Variants in FAM83B observed in about 807,000 individuals in gnomAD.
FAM83B encodes the protein protein FAM83B.
A neutral mutation model predicts 38.8 loss-of-function variants in FAM83B; 26 were observed. That is an observed-to-expected ratio of 0.67 (90% CI 0.49 to 0.93). The LOEUF (loss-of-function observed/expected upper bound fraction) is 0.93, where lower values mean the gene tolerates loss of function less well. Ranked by LOEUF, FAM83B falls within the 40% of genes least tolerant of loss-of-function variation. The pLI is 0.00. For missense variants in FAM83B, 1,237 were observed against 1,197.3 expected (o/e 1.03, Z -0.49); for synonymous variants, 419 against 423.1 (o/e 0.99, Z 0.12).
chr6:54,940,277 C>A lies in FAM83B; in HGVS notation c.1306C>A (p.His436Asn). The A allele has an allele frequency of 1.2e-6, 2 of 1,614,012 alleles. No homozygotes were observed. Among genetic ancestry groups the A allele is most frequent in the South Asian group, 2.2e-5 (2 of 91,082 alleles). Residue 436 changes from histidine (H) to asparagine (N), a missense_variant, in exon 5 of 5, where the codon CAC becomes AAC. Coordinates refer to ENST00000306858, the MANE Select transcript of FAM83B (RefSeq NM_001010872.3). The part of the protein sequence containing the change: ...ASSSREGYVS[H>N]HNTPAQSFAN... ...CTCATCACGGGAAGGCTATGTAAGC[C>A]ACCACAACACACCTGCCCAGAGTTT... is the stretch of plus-strand genomic sequence containing the variant.
chr6:54,892,910 A>G (rs1772439281), intron 2 of FAM83B, among the ~76,000 whole-genome samples: 1 of 152,020 alleles, frequency 6.6e-6, no homozygotes, highest in South Asian at 2.1e-4. Flanking sequence ...TGGGTTATAA[A>G]GGCATCATGA....
intron 2 of FAM83B, among the ~76,000 whole-genome samples, chr6:54,894,852 A>G (rs1394206743): frequency 6.6e-6 from 1 of 152,212 alleles, no homozygotes; most frequent in Non-Finnish European, 1.5e-5. Context: ...AGTGGTTGAG[A>G]GCATGAACTC....
intron 2 of FAM83B, among the ~76,000 whole-genome samples, chr6:54,925,754 G>A (rs899555836): frequency 4.0e-5 from 6 of 151,602 alleles, no homozygotes; most frequent in Admixed American, 6.6e-5. Context: ...TTCCATATAC[G>A]TGGGTTCTTC....
In FAM83B at chr6:54,902,626, T is replaced by C. The variant is rs142654169; in HGVS notation, c.445-23745T>C. On this transcript the variant is annotated intron_variant, in intron 2 of 4. Coordinates refer to ENST00000306858, the MANE Select transcript of FAM83B (RefSeq NM_001010872.3). ...ATTTTTCTACATTTTTCCATATTTT[T>C]ATGTTTGTCCTAAGATTAAGAGGAC... 1.1e-3 allele frequency among the ~76,000 whole-genome samples: 166 copies of C among 149,938 alleles called. 4 individuals carry two copies. Among genetic ancestry groups the C allele is most frequent in the African/African-American group, 4.1e-3 (161 of 39,338 alleles).
At chr6:54,932,640 A>G (rs1182810766) in intron 4 of FAM83B, among the ~76,000 whole-genome samples, 1 of 150,290 alleles carries the variant, frequency 6.7e-6, no homozygotes, top group Non-Finnish European at 1.5e-5. Context: ...TCACTTTAGC[A>G]TTTTGTGTAG....
At chr6:54,882,048 A>C (rs1266993805) in intron 2 of FAM83B, among the ~76,000 whole-genome samples, 3 of 152,074 alleles carry the variant, frequency 2.0e-5, no homozygotes, top group Non-Finnish European at 4.4e-5. Flanking sequence ...TTTGCTGAGA[A>C]TGATGGTTTC....
chr6:54,907,196 G>T (rs1772793563), intron 2 of FAM83B, among the ~76,000 whole-genome samples: 1 of 151,970 alleles, frequency 6.6e-6, no homozygotes, highest in South Asian at 2.1e-4. Flanking sequence ...TGTTTCTTTA[G>T]GATAGAAAAG....
intron 1 of FAM83B, among the ~76,000 whole-genome samples, chr6:54,861,049 G>T (rs1018711735): frequency 2.0e-5 from 3 of 152,146 alleles, no homozygotes; most frequent in African/African-American, 7.2e-5. Context: ...TGGGATTATA[G>T]GTGTGAGCCA....
At chr6:54,925,180 G>C (rs952576304) in intron 2 of FAM83B, among the ~76,000 whole-genome samples, 1 of 152,012 alleles carries the variant, frequency 6.6e-6, no homozygotes, top group African/African-American at 2.4e-5. Context: ...TCTATTCAAA[G>C]GACACTGTCT....
chr6:54,908,917 A>G (rs1772841299), intron 2 of FAM83B, among the ~76,000 whole-genome samples: 1 of 152,212 alleles, frequency 6.6e-6, no homozygotes, highest in Admixed American at 6.5e-5. Flanking sequence ...GTACTGATCT[A>G]GAAGAAAACT....
At chr6:54,847,129 G>C (rs1419500959) in intron 1 of FAM83B, among the ~76,000 whole-genome samples, 2 of 152,130 alleles carry the variant, frequency 1.3e-5, no homozygotes, top group Non-Finnish European at 2.9e-5. Flanking sequence ...CAGAGGACTG[G>C]CGCCGCCCCT....
At position 54,940,014 on chromosome 6, in the gene FAM83B, A is replaced by G. The variant is rs768155328; in HGVS notation, c.1043A>G (p.His348Arg). 3 of 1,613,914 alleles carry G rather than the reference A, an allele frequency of 1.9e-6. No homozygotes were observed. The African/African-American group carries it at 4.0e-5, about 22-fold the overall frequency. Residue 348 changes from histidine to arginine, a missense_variant, in exon 5 of 5, where the codon CAT becomes CGT. His to Arg is a conservative substitution (Grantham distance 29). Coordinates refer to ENST00000306858, the MANE Select transcript of FAM83B (RefSeq NM_001010872.3). ...AGAGGGATATATACTTTAAATGAAC[A>G]TGACAAATATAACATAAGAAGTCAC... ...KNRGIYTLNE[H>R]DKYNIRSHGY...
chr6:54,903,727 T>C (rs1232283322), intron 2 of FAM83B, among the ~76,000 whole-genome samples: 1 of 152,180 alleles, frequency 6.6e-6, no homozygotes, highest in Non-Finnish European at 1.5e-5. Context: ...TTCTTTATTT[T>C]TTTCTACATA....
At chr6:54,920,700 T>C in intron 2 of FAM83B, among the ~76,000 whole-genome samples, 1 of 151,942 alleles carries the variant, frequency 6.6e-6, no homozygotes, top group East Asian at 1.9e-4. Context: ...ACTTTTCTTA[T>C]CACTGGTTTC....
chr6:54,894,864 G>A (rs372975914), intron 2 of FAM83B, among the ~76,000 whole-genome samples: 6 of 152,172 alleles, frequency 3.9e-5, no homozygotes, highest in Admixed American at 3.3e-4. Context: ...CATGAACTCG[G>A]GATCCAGACT....
At chr6:54,848,722 G>T (rs1201336356) in intron 1 of FAM83B, among the ~76,000 whole-genome samples, 3 of 152,108 alleles carry the variant, frequency 2.0e-5, no homozygotes, top group Non-Finnish European at 1.5e-5. Flanking sequence ...ATACAATACT[G>T]AGTTGCCAAA....
chr6:54,862,106 C>T (rs1438397534), intron 1 of FAM83B, among the ~76,000 whole-genome samples: 2 of 152,126 alleles, frequency 1.3e-5, no homozygotes, highest in Non-Finnish European at 1.5e-5. Flanking sequence ...TTTCGTATTC[C>T]AGCCGTTGTA....
At chr6:54,904,607 A>G (rs1581913198) in intron 2 of FAM83B, among the ~76,000 whole-genome samples, 1 of 152,206 alleles carries the variant, frequency 6.6e-6, no homozygotes, top group Non-Finnish European at 1.5e-5. Flanking sequence ...TGCCCATGCC[A>G]GTCATTACTA....
intron 2 of FAM83B, among the ~76,000 whole-genome samples, chr6:54,902,707 T>G (rs913578218): frequency 5.4e-5 from 8 of 149,216 alleles, no homozygotes; most frequent in Admixed American, 5.3e-4. Flanking sequence ...GATTGTCTCC[T>G]CATTTTATTT....
Sources: allele counts gnomAD v4.1 joint callset (sites outside exome capture counted in the v4.1 genomes callset), GRCh38; gene constraint gnomAD v4.1.1; transcripts MANE v1.5; gene names NCBI Gene and HGNC (gene_info 2026-07-23, HGNC 2026-07-21).